Variants in TCP1 observed in about 807,000 individuals in gnomAD.
TCP1 encodes the protein t-complex 1.
TCP1 carries 6 observed loss-of-function variants against 54.7 expected under a neutral mutation model. The observed-to-expected ratio is 0.11, with a 90% confidence interval of 0.06 to 0.22. The LOEUF (loss-of-function observed/expected upper bound fraction) is 0.22, where lower values mean the gene tolerates loss of function less well. Ranked by LOEUF, TCP1 falls within the 10% of genes least tolerant of loss-of-function variation. The pLI is 1.00. For synonymous variants in TCP1, 225 were observed against 229.7 expected (o/e 0.98, Z 0.19); for missense variants, 511 against 678.2 (o/e 0.75, Z 2.74).
At position 159,779,157 on chromosome 6, in the gene TCP1, G is replaced by C; in HGVS notation, c.1559C>G (p.Ala520Gly). The change falls in exon 12 of 12, where the codon GCT becomes GGT. Residue 520 changes from alanine (A) to glycine (G), a missense_variant. This residue lies in a region of TCP1 where 88 missense variants were observed against 153.1 expected (regional missense o/e 0.57). Coordinates refer to ENST00000321394, the MANE Select transcript of TCP1 (RefSeq NM_030752.3). ...KVKSLKFATE[A>G]AITILRIDDL... ...ATCAATTCGAAGAATGGTGATTGCA[G>C]CTTCTGTTGCAAATTTCAAACTCTT... 1.2e-6 allele frequency: 2 copies of C among 1,613,492 alleles called. No individual in the cohort carries two copies. The highest frequency in any genetic ancestry group is 1.7e-4 in the Middle Eastern group (1 of 6,056).
Position 159,789,515 on chromosome 6 carries a change from C to A in TCP1, c.-47G>T, listed in dbSNP as rs746288359. 6.2e-7 allele frequency: 1 copy of A among 1,611,114 alleles called. No homozygotes were observed. Among genetic ancestry groups the A allele is most frequent in the Admixed American group, 1.7e-5 (1 of 59,966 alleles). On this transcript the variant is annotated 5_prime_UTR_variant, in exon 1 of 12. Transcript: ENST00000321394. ...CGAATTCTGCTTACACCGCGGGCAA[C>A]CAGTATCGCGGCCCCTCGGCCGACC...
intron 1 of TCP1, 72 bp downstream of exon 1, chr6:159,789,333 G>A: frequency 6.3e-7 from 1 of 1,577,314 alleles, no homozygotes; most frequent in South Asian, 1.1e-5. Flanking sequence ...AACGAGGGCA[G>A]CCGGGGTCCG....
rs1447638676 is a variant in TCP1 at position 159,779,904 on chromosome 6, T to C, written c.1281A>G (p.Ala427=). 1 of 1,614,086 alleles carries C rather than the reference T, an allele frequency of 6.2e-7. No homozygotes were observed. ...AAATGACTGTTCTTACCATGCTGGT[T>C]GCATAGTTTTCAAGGTATATGGAAA... is the stretch of plus-strand genomic sequence containing the variant. ...AALSIYLENY[A]TSMGSREQLA... The change falls in exon 10 of 12, where the codon GCA becomes GCG. Residue 427 remains alanine (A), a synonymous_variant. Transcript: ENST00000321394.
Position 159,778,661 on chromosome 6 carries a change from C to T in TCP1, c.*384G>A. ...CTAAATCTTTTCTCCCCCGTTAGGTCAATATTGAAGGAGGGGCTATAGCCT... is the reference window on the plus strand; with the variant it reads ...CTAAATCTTTTCTCCCCCGTTAGGTTAATATTGAAGGAGGGGCTATAGCCT... On this transcript the variant is annotated 3_prime_UTR_variant, in exon 12 of 12. Transcript: ENST00000321394. 1 of 1,613,938 alleles carries T rather than the reference C, an allele frequency of 6.2e-7. No homozygotes were observed. Among genetic ancestry groups the T allele is most frequent in the Non-Finnish European group, 8.5e-7 (1 of 1,179,886 alleles).
chr6:159,782,628 G>C (rs1474156186), intron 7 of TCP1, among the ~76,000 whole-genome samples: 6 of 152,098 alleles, frequency 3.9e-5, no homozygotes, highest in Admixed American at 3.9e-4. Flanking sequence ...TCACTAAAAT[G>C]GTCAAAAGCA....
In TCP1 at chr6:159,784,721, T is replaced by G; in HGVS notation, c.615A>C (p.Gln205His). ...AGCCACTGATGAGCATACTCTCCAT[T>G]TGACTTCTCCCATGGGCTTTCAAAA... ...VNILKAHGRSQMESMLISGYA... is the reference protein window; with the variant it reads ...VNILKAHGRSHMESMLISGYA... The change falls in exon 6 of 12, where the codon CAA (glutamine) becomes CAC (histidine). Residue 205 changes from glutamine (Q) to histidine (H), a missense_variant. Coordinates refer to ENST00000321394, the MANE Select transcript of TCP1 (RefSeq NM_030752.3). 1 of 1,614,230 alleles carries G rather than the reference T, an allele frequency of 6.2e-7. No individual in the cohort carries two copies. Among genetic ancestry groups the G allele is most frequent in the Non-Finnish European group, 8.5e-7 (1 of 1,180,048 alleles).
chr6:159,783,840 G>A (rs1261375181), intron 7 of TCP1, 101 bp downstream of exon 7: 12 of 1,451,556 alleles, frequency 8.3e-6, no homozygotes, highest in Non-Finnish European at 1.0e-5. Context: ...AACACCACCA[G>A]GCTAATTTTT....
intron 3 of TCP1, among the ~76,000 whole-genome samples, chr6:159,787,389 CTG>C (rs1490278116): frequency 1.3e-5 from 2 of 152,156 alleles, no homozygotes; most frequent in East Asian, 3.8e-4. Flanking sequence ...ATAAAAAAAT[CTG>C]TGTGATGTCT....
In TCP1 at chr6:159,787,966, G is replaced by A. The variant is rs141274389; in HGVS notation, c.150+92C>T. 4.0e-4 allele frequency: 646 copies of A among 1,603,138 alleles called. 2 individuals carry two copies. In the African/African-American group the frequency reaches 7.1e-3, roughly 18 times the overall value. ...CACCTTTAATATCACCTTCCAGTAC[G>A]TGGATTCTGATAAAGTCAAAGAAAG... is the stretch of plus-strand genomic sequence containing the variant. On this transcript the variant is annotated intron_variant, in intron 2 of 11. Transcript: ENST00000321394.
Position 159,784,847 on chromosome 6 carries a change from T to G in TCP1, c.489A>C (p.Ile163=), listed in dbSNP as rs1780655442. Reference sequence around the variant, plus strand: ...CCATGTTAGCAAAGAAATCACCATTTCTACGCCAAAAGTTAAGGACAGTAA... The same window carrying G: ...CCATGTTAGCAAAGAAATCACCATTGCTACGCCAAAAGTTAAGGACAGTAA... ...KTSMSSKIIG[I]NGDFFANMVV... The change falls in exon 6 of 12, where the codon ATA becomes ATC. Residue 163 remains isoleucine (I), a splice_region_variant and synonymous_variant. Coordinates refer to ENST00000321394, the MANE Select transcript of TCP1 (RefSeq NM_030752.3). The G allele has an allele frequency of 6.2e-7, 1 of 1,614,074 alleles. No homozygotes were observed. The highest frequency in any genetic ancestry group is 1.3e-5 in the African/African-American group (1 of 74,926).
At chr6:159,784,630 G>A (rs1780651577) in intron 6 of TCP1, 36 bp downstream of exon 6, 1 of 1,597,776 alleles carries the variant, frequency 6.3e-7, no homozygotes, top group Non-Finnish European at 8.5e-7. Flanking sequence ...TTAATCTGTA[G>A]CAATCTCATT....
In TCP1 at chr6:159,780,823, G is replaced by A. The variant is rs904835048; in HGVS notation, c.973+112C>T. 7 of 1,347,014 alleles carry A rather than the reference G, an allele frequency of 5.2e-6. No homozygotes were observed. In the African/African-American group the frequency reaches 7.4e-5, roughly 14 times the overall value. 83.4% of individuals were successfully genotyped at this position (1,347,014 alleles called of 1,614,324 possible). On this transcript the variant is annotated intron_variant, in intron 8 of 11. Coordinates refer to ENST00000321394, the MANE Select transcript of TCP1 (RefSeq NM_030752.3). ...ATGTGTTGGTAGCACAAAGCATTAA[G>A]AGAATATAAATGTTTTTGAGCTGTT...
rs1486744746 is a variant in TCP1, at chr6:159,779,727, G to A, written c.1354C>T (p.Leu452=). ...ARSLLVIPNT[L]AVNAAQDSTD... Reference sequence around the variant, plus strand: ...GAGTCCTGGGCAGCATTAACTGCTAGTGTATTGGGAATAACAAGAAGTGAT... The same window carrying A: ...GAGTCCTGGGCAGCATTAACTGCTAATGTATTGGGAATAACAAGAAGTGAT... The change falls in exon 11 of 12, where the codon CTA becomes TTA. Residue 452 remains leucine (L), a synonymous_variant. Coordinates refer to ENST00000321394, the MANE Select transcript of TCP1 (RefSeq NM_030752.3). 3 of 1,613,100 alleles carry A rather than the reference G, an allele frequency of 1.9e-6. No individual in the cohort carries two copies. Among genetic ancestry groups the A allele is most frequent in the African/African-American group, 1.3e-5 (1 of 74,802 alleles).
At chr6:159,788,483 G>A (rs111843904) in intron 1 of TCP1, 2,606 of 221,796 alleles carry the variant, frequency 0.012, 79 homozygotes, top group African/African-American at 0.056. Context: ...AATGCAGTGA[G>A]CTATGATGGC....
At chr6:159,785,545 A>T in intron 4 of TCP1, 49 bp from the exon 5 acceptor site, 1 of 1,390,998 alleles carries the variant, frequency 7.2e-7, no homozygotes, top group East Asian at 2.3e-5. Flanking sequence ...CACTACTCAA[A>T]CTCTTTGCAT....
chr6:159,780,349 C>G (rs772608808), intron 9 of TCP1, 94 bp downstream of exon 9: 2 of 1,569,384 alleles, frequency 1.3e-6, no homozygotes, highest in Non-Finnish European at 1.8e-6. Context: ...GCTCGTATCA[C>G]TGTGAGACTA....
chr6:159,784,916 G>A, intron 5 of TCP1, 69 bp from the exon 6 acceptor site: 1 of 1,484,716 alleles, frequency 6.7e-7, no homozygotes, highest in South Asian at 1.2e-5. Context: ...AAAATCAAGG[G>A]TAATTTCAAG....
chr6:159,788,151 C>T lies in TCP1; in HGVS notation c.65-8G>A. 6.2e-7 allele frequency: 1 copy of T among 1,612,912 alleles called. No homozygotes were observed. The highest frequency in any genetic ancestry group is 8.5e-7 in the Non-Finnish European group (1 of 1,179,446). On this transcript the variant is annotated splice_polypyrimidine_tract_variant and splice_region_variant and intron_variant, in intron 1 of 11. Coordinates refer to ENST00000321394, the MANE Select transcript of TCP1 (RefSeq NM_030752.3). ...TCGAAGCTGCAGCCATAACTGTAGACAATCAATTAAAAATAAAAAAGAAAT... is the reference window on the plus strand; with the variant it reads ...TCGAAGCTGCAGCCATAACTGTAGATAATCAATTAAAAATAAAAAAGAAAT...
Position 159,779,897 on chromosome 6 carries a change from T to C in TCP1, c.1288A>G (p.Met430Val), listed in dbSNP as rs1289511337. 1.9e-6 allele frequency: 3 copies of C among 1,614,092 alleles called. No individual in the cohort carries two copies. Among genetic ancestry groups the C allele is most frequent in the Non-Finnish European group, 2.5e-6 (3 of 1,180,014 alleles). ...AGACAAGAAATGACTGTTCTTACCA[T>C]GCTGGTTGCATAGTTTTCAAGGTAT... Reference protein sequence around the residue: ...SIYLENYATSMGSREQLAIAE... With the variant: ...SIYLENYATSVGSREQLAIAE... Residue 430 changes from methionine (M) to valine (V), a missense_variant and splice_region_variant, in exon 10 of 12, where the codon ATG becomes GTG. Transcript: ENST00000321394.
Sources: allele counts gnomAD v4.1 joint callset (sites outside exome capture counted in the v4.1 genomes callset), GRCh38; gene constraint gnomAD v4.1.1; regional missense constraint gnomAD v4.1.1; transcripts MANE v1.5; gene names NCBI Gene and HGNC (gene_info 2026-07-23, HGNC 2026-07-21).